NF1: variants seen among roughly 807,000 people sequenced by gnomAD.
The protein encoded by NF1 is neurofibromin 1, also known as neurofibromin.
NF1 carries 122 observed loss-of-function variants against 325.7 expected under a neutral mutation model. That is an observed-to-expected ratio of 0.37 (90% confidence interval 0.32 to 0.44). NF1 has a LOEUF of 0.44. Ranked by LOEUF, NF1 falls within the 20% of genes least tolerant of loss-of-function variation. NF1 has a pLI of 1.00. For synonymous variants in NF1, 1,091 were observed against 1,186.0 expected (o/e 0.92, Z 1.65); for missense variants, 2,140 against 3,415.4 (o/e 0.63, Z 9.31).
At chr17:31,128,766 C>CA (rs1224355538) in intron 1 of NF1, among the ~76,000 whole-genome samples, 6 of 151,824 alleles carry the variant, frequency 4.0e-5, no homozygotes, top group Non-Finnish European at 7.4e-5. Flanking sequence ...ACTAAATATA[C>CA]AAAAAATTAG....
intron 46 of NF1, 32 bp from the exon 47 acceptor site, chr17:31,340,473 C>G (rs771781320): frequency 1.2e-6 from 2 of 1,614,066 alleles, no homozygotes; most frequent in South Asian, 2.2e-5. Flanking sequence ...CATGATTCAT[C>G]TTACTAGCCT....
rs756650807 is a variant in NF1 at position 31,229,471 on chromosome 17, G to A, written c.2850+6G>A. 3 of 1,612,806 alleles carry A rather than the reference G, an allele frequency of 1.9e-6. No individual in the cohort carries two copies. The highest frequency in any genetic ancestry group is 4.5e-5 in the East Asian group (2 of 44,872). On this transcript the variant is annotated splice_donor_region_variant and intron_variant, in intron 21 of 57. Coordinates refer to ENST00000358273, the MANE Select transcript of NF1 (RefSeq NM_001042492.3). Reference sequence around the variant, plus strand: ...TTTTTGACTCCCAAGGACAGGTAAAGTGTTCTCTTATTTTTCACCTTTCTC... The same window carrying A: ...TTTTTGACTCCCAAGGACAGGTAAAATGTTCTCTTATTTTTCACCTTTCTC...
At chr17:31,349,591 T>A (rs762238974) in intron 49 of NF1, among the ~76,000 whole-genome samples, 13 of 152,212 alleles carry the variant, frequency 8.5e-5, no homozygotes, top group Non-Finnish European at 1.5e-4. Context: ...TCTCTAAATT[T>A]CATGAGCCTC....
chr17:31,358,266 G>A (rs921168387), intron 54 of NF1: 17 of 576,888 alleles, frequency 2.9e-5, no homozygotes, highest in African/African-American at 1.5e-4. Context: ...TTCTTCCCTG[G>A]TGACTAAAAA....
intron 36 of NF1, among the ~76,000 whole-genome samples, chr17:31,266,736 G>GT (rs55920122): frequency 0.54 from 78,392 of 144,912 alleles, 24,293 homozygotes; most frequent in Middle Eastern, 0.76. Flanking sequence ...ACAAAGCTGC[G>GT]TTTTTTTTTT....
At chr17:31,221,074 C>T (rs1300844306) in intron 14 of NF1, among the ~76,000 whole-genome samples, 1 of 151,974 alleles carries the variant, frequency 6.6e-6, no homozygotes, top group Non-Finnish European at 1.5e-5. Context: ...TCCAGAGCTT[C>T]ACAGTTTCTG....
At chr17:31,245,937 G>A (rs1477743934) in intron 29 of NF1, among the ~76,000 whole-genome samples, 24 of 152,024 alleles carry the variant, frequency 1.6e-4, no homozygotes, top group Admixed American at 1.4e-3. Flanking sequence ...GACTAGCCCC[G>A]TCTTGAAGCT....
chr17:31,305,275 A>C, intron 36 of NF1: 2 of 1,614,074 alleles, frequency 1.2e-6, no homozygotes, highest in Non-Finnish European at 1.7e-6. Flanking sequence ...GGTGTTGGCT[A>C]TTGGTGTTGG....
Position 31,336,985 on chromosome 17 carries a change from TTA to T in NF1, c.6427+73_6427+74del. The T allele has an allele frequency of 1.3e-6, 2 of 1,491,352 alleles. No individual in the cohort carries two copies. The highest frequency in any genetic ancestry group is 1.8e-6 in the Non-Finnish European group (2 of 1,084,446). The allele number at this position is 1,491,352 out of a possible 1,614,324, so 92.4% of individuals were successfully genotyped here. A position where few individuals can be genotyped will look rare whatever the true frequency, so the allele number is the denominator to read the frequency against. ...TTTTACTTCACCTGATCAATATAGA[TTA>T]TCTTATTTATGTTTGTGCTCTAACA... On this transcript the variant is annotated intron_variant, in intron 42 of 57. Coordinates refer to ENST00000358273, the MANE Select transcript of NF1 (RefSeq NM_001042492.3). The surrounding 1 kb of genome is among the most constrained non-coding windows in gnomAD (Gnocchi z 5.5).
intron 39 of NF1, among the ~76,000 whole-genome samples, chr17:31,334,140 T>A (rs1038754356): frequency 1.3e-5 from 2 of 151,590 alleles, no homozygotes; most frequent in Non-Finnish European, 1.5e-5. Context: ...TGAAAAAAAA[T>A]TTGCCGGGCG....
chr17:31,251,078 A>T (rs1216599057), intron 30 of NF1: 1 of 195,188 alleles, frequency 5.1e-6, no homozygotes, highest in Non-Finnish European at 1.1e-5. Context: ...AGAAAGAAAG[A>T]TAGGAAAAAA....
At chr17:31,142,558 T>C (rs1453056492) in intron 1 of NF1, among the ~76,000 whole-genome samples, 1 of 152,104 alleles carries the variant, frequency 6.6e-6, no homozygotes, top group Non-Finnish European at 1.5e-5. Flanking sequence ...TTTTGCACTT[T>C]AAAAATTATT....
chr17:31,204,640 T>C (rs758007820), intron 11 of NF1, among the ~76,000 whole-genome samples: 21 of 152,108 alleles, frequency 1.4e-4, no homozygotes, highest in Non-Finnish European at 1.0e-4. Context: ...AGTTATTTTA[T>C]GTGGTGCACC....
At chr17:31,351,859 G>GT (rs2070154353) in intron 50 of NF1, among the ~76,000 whole-genome samples, 8 of 151,406 alleles carry the variant, frequency 5.3e-5, no homozygotes, top group African/African-American at 1.9e-4. Flanking sequence ...GATTTTTTGG[G>GT]GTTTTTTTTT....
At chr17:31,202,483 T>G (rs2143892932) in intron 11 of NF1, among the ~76,000 whole-genome samples, 1 of 152,340 alleles carries the variant, frequency 6.6e-6, no homozygotes, top group East Asian at 1.9e-4. Flanking sequence ...TTGATAAAGC[T>G]ATTTGGTGAT....
intron 1 of NF1, among the ~76,000 whole-genome samples, chr17:31,106,219 G>A (rs1384909097): frequency 6.6e-6 from 1 of 152,080 alleles, no homozygotes; most frequent in African/African-American, 2.4e-5. Context: ...CTGAACATCA[G>A]TTTTCTATAT....
rs2070705222 is a variant in NF1 at position 31,374,552 on chromosome 17, A to T, written c.*397A>T. The T allele has an allele frequency of 1.5e-5, 6 of 392,586 alleles. No individual in the cohort carries two copies. The Admixed American group carries it at 2.6e-4, about 17-fold the overall frequency. The allele number at this position is 392,586 out of a possible 1,614,324, so 24.3% of individuals were successfully genotyped here. A position where few individuals can be genotyped will look rare whatever the true frequency, so the allele number is the denominator to read the frequency against. ...TCTGTGGTTTTCCCTTCTTCATCCT[A>T]CAGAGTAAAGTGTTAGTCCTATTTA... On this transcript the variant is annotated 3_prime_UTR_variant, in exon 58 of 58. Transcript: ENST00000358273.
rs1915304314 is a variant in NF1 at position 31,130,715 on chromosome 17, G to T, written c.61-25268G>T. 2.6e-5 allele frequency among the ~76,000 whole-genome samples: 4 copies of T among 152,320 alleles called. No homozygotes were observed. In the South Asian group the frequency reaches 8.3e-4, roughly 32 times the overall value. On this transcript the variant is annotated intron_variant, in intron 1 of 57. Coordinates refer to ENST00000358273, the MANE Select transcript of NF1 (RefSeq NM_001042492.3). ...CAATGGCCATGGAGGGATAGGCAGG[G>T]TGTACTCACGCTGGCTGCAGTGGCA... is the stretch of plus-strand genomic sequence containing the variant.
intron 1 of NF1, among the ~76,000 whole-genome samples, chr17:31,107,416 C>T (rs1180294154): frequency 6.6e-6 from 1 of 151,958 alleles, no homozygotes; most frequent in Admixed American, 6.6e-5. Flanking sequence ...AGGTGCATGC[C>T]ACCATGCCGG....
Sources: allele counts gnomAD v4.1 joint callset (sites outside exome capture counted in the v4.1 genomes callset), GRCh38; gene constraint gnomAD v4.1.1; non-coding constraint Gnocchi (gnomAD v3.1); transcripts MANE v1.5; gene names NCBI Gene and HGNC (gene_info 2026-07-23, HGNC 2026-07-21).